The following FOCAD variants were observed in gnomAD, a reference collection of about 807,000 sequenced individuals.
FOCAD encodes KIAA1797.
Under a neutral mutation model 225.6 loss-of-function variants are expected in FOCAD, and 198 were observed. The observed-to-expected ratio is 0.88, with a 90% confidence interval of 0.78 to 0.99. The LOEUF is 0.99. Ranked by LOEUF, FOCAD falls within the 50% of genes least tolerant of loss-of-function variation. The probability of loss-of-function intolerance (pLI) is 0.00; values close to 1 mark genes in which losing one functional copy is unlikely to be tolerated. For synonymous variants in FOCAD, 897 were observed against 755.0 expected (o/e 1.19, Z -3.08); for missense variants, 2,713 against 2,123.6 (o/e 1.28, Z -5.46).
chr9:20,974,928 C>A (rs976064084), intron 35 of FOCAD, among the ~76,000 whole-genome samples: 11 of 152,144 alleles, frequency 7.2e-5, no homozygotes, highest in African/African-American at 2.7e-4. Flanking sequence ...TCTGCTTCTC[C>A]TTCTTCCTAT....
intron 22 of FOCAD, among the ~76,000 whole-genome samples, chr9:20,907,451 C>G (rs1474093699): frequency 6.6e-6 from 1 of 151,980 alleles, no homozygotes; most frequent in Non-Finnish European, 1.5e-5. Context: ...GTGTCCCATC[C>G]AGAACTCCCT....
chr9:20,866,452 C>T (rs1038003110), intron 17 of FOCAD, among the ~76,000 whole-genome samples: 2 of 151,924 alleles, frequency 1.3e-5, no homozygotes, highest in Admixed American at 6.6e-5. Flanking sequence ...AATCGGAATC[C>T]AAACCTAGGC....
chr9:20,765,232 A>C (rs187144547), intron 7 of FOCAD, among the ~76,000 whole-genome samples, 159 bp downstream of exon 7: 2 of 152,328 alleles, frequency 1.3e-5, no homozygotes, highest in Admixed American at 1.3e-4. Flanking sequence ...GAAAGAAACA[A>C]AATCTAGATT....
chr9:20,890,737 G>T (rs1283706629), intron 21 of FOCAD, among the ~76,000 whole-genome samples: 10 of 152,098 alleles, frequency 6.6e-5, no homozygotes, highest in Admixed American at 6.6e-4. Flanking sequence ...AGTTTGTATA[G>T]AATTGTTATT....
At chr9:20,712,614 C>T (rs1044620076) in intron 1 of FOCAD, among the ~76,000 whole-genome samples, 6 of 150,474 alleles carry the variant, frequency 4.0e-5, no homozygotes, top group African/African-American at 9.9e-5. Context: ...GAGCTGAGAT[C>T]GCACCACTGC....
At chr9:20,955,517 T>A (rs928554927) in intron 35 of FOCAD, among the ~76,000 whole-genome samples, 10 of 71,728 alleles carry the variant, frequency 1.4e-4, no homozygotes, top group African/African-American at 1.8e-4. Flanking sequence ...TGACTATAAC[T>A]GGGTCTTTTT....
At chr9:20,878,568 T>C (rs1410183448) in intron 19 of FOCAD, among the ~76,000 whole-genome samples, 1 of 152,214 alleles carries the variant, frequency 6.6e-6, no homozygotes, top group African/African-American at 2.4e-5. Flanking sequence ...TCTTCCACTC[T>C]GTTGTAAGGA....
At chr9:20,946,499 A>G (rs539155472) in intron 29 of FOCAD, among the ~76,000 whole-genome samples, 13 of 152,324 alleles carry the variant, frequency 8.5e-5, no homozygotes, top group African/African-American at 3.1e-4. Flanking sequence ...TCTATAAAGT[A>G]GGAATAATCA....
intron 1 of FOCAD, among the ~76,000 whole-genome samples, chr9:20,712,730 CTTTTTTTTTT>C (rs71334550): frequency 8.6e-5 from 8 of 93,342 alleles, no homozygotes; most frequent in African/African-American, 2.7e-4. Context: ...CTCCTATATT[CTTTTTTTTTT>C]TTTTTTTTTT....
At chr9:20,971,077 T>G (rs1712119730) in intron 35 of FOCAD, among the ~76,000 whole-genome samples, 1 of 152,110 alleles carries the variant, frequency 6.6e-6, no homozygotes, top group African/African-American at 2.4e-5. Context: ...TTTGTCTGTC[T>G]TCTTTCTCTC....
intron 15 of FOCAD, among the ~76,000 whole-genome samples, chr9:20,827,695 G>A (rs1301845329): frequency 1.3e-5 from 2 of 151,940 alleles, no homozygotes; most frequent in East Asian, 1.9e-4. Context: ...TAAAGAAAGA[G>A]CTCCGATACA....
intron 9 of FOCAD, 63 bp downstream of exon 9, chr9:20,778,831 C>G (rs933214930): frequency 5.5e-6 from 5 of 904,342 alleles, no homozygotes; most frequent in African/African-American, 4.9e-5. Flanking sequence ...ACAGGATTCA[C>G]TTGAACTATG....
At chr9:20,813,129 C>T (rs140318503) in intron 11 of FOCAD, among the ~76,000 whole-genome samples, 77 of 152,142 alleles carry the variant, frequency 5.1e-4, no homozygotes, top group African/African-American at 1.8e-3. Flanking sequence ...TTCGTCCTTC[C>T]GTGGCTTATT....
intron 38 of FOCAD, among the ~76,000 whole-genome samples, chr9:20,982,032 A>T (rs547793040): frequency 6.6e-6 from 1 of 152,296 alleles, no homozygotes; most frequent in East Asian, 1.9e-4. Flanking sequence ...TATACTGTTT[A>T]TATAAAACAA....
At chr9:20,796,421 A>C (rs1300581239) in intron 11 of FOCAD, among the ~76,000 whole-genome samples, 1 of 152,238 alleles carries the variant, frequency 6.6e-6, no homozygotes, top group African/African-American at 2.4e-5. Context: ...ACTAGTTTAC[A>C]GTCCCACCAA....
At chr9:20,848,606 G>A (rs1827352156) in intron 15 of FOCAD, among the ~76,000 whole-genome samples, 2 of 151,762 alleles carry the variant, frequency 1.3e-5, no homozygotes, top group South Asian at 4.2e-4. Context: ...TTCATTTTGG[G>A]GTATCATTTT....
intron 11 of FOCAD, among the ~76,000 whole-genome samples, chr9:20,794,835 A>G (rs1379194012): frequency 6.6e-6 from 1 of 152,110 alleles, no homozygotes; most frequent in Non-Finnish European, 1.5e-5. Context: ...TCTTCCCATT[A>G]TTCTGTCTTT....
chr9:20,745,347 C>G (rs576863845), intron 5 of FOCAD, among the ~76,000 whole-genome samples: 1 of 152,114 alleles, frequency 6.6e-6, no homozygotes, highest in Admixed American at 6.5e-5. Context: ...GCTTCGGCCT[C>G]CCAAAGTGCT....
rs185302007 is a variant in FOCAD at position 20,872,336 on chromosome 9, C to G, written c.2191-2345C>G. ...GTATTAAGTAATTAGGTTGACTGCA[C>G]AGAAGGACAGGATAGGAGGATAGGA... is the stretch of plus-strand genomic sequence containing the variant. On this transcript the variant is annotated intron_variant, in intron 18 of 43. Coordinates refer to ENST00000338382, the MANE Select transcript of FOCAD (RefSeq NM_001375567.1). Among the ~76,000 whole-genome samples the G allele has an allele frequency of 3.7e-3, 568 of 152,178 alleles. 4 individuals carry two copies. Among genetic ancestry groups the G allele is most frequent in the African/African-American group, 0.013 (542 of 41,522 alleles).
Sources: gnomAD v4.1 joint callset for allele counts (sites outside exome capture counted in the v4.1 genomes callset) on GRCh38, gnomAD v4.1.1 for gene constraint, MANE v1.5 for transcripts, NCBI Gene and HGNC (gene_info 2026-07-23, HGNC 2026-07-21) for gene names.